The following CENPP variants were observed in gnomAD, a reference collection of about 807,000 sequenced individuals.
CENPP encodes the protein centromere protein P.
CENPP carries 24 observed loss-of-function variants against 35.6 expected under a neutral mutation model. The ratio of observed to expected loss-of-function variants is 0.67; its 90% CI spans 0.49 to 0.95. CENPP has a LOEUF of 0.95. Ranked by LOEUF, CENPP falls within the 40% of genes least tolerant of loss-of-function variation. CENPP has a pLI of 0.00. For synonymous variants in CENPP, 120 were observed against 125.5 expected, an observed-to-expected ratio of 0.96 and a Z score of 0.29; for missense variants, 332 against 345.3, an observed-to-expected ratio of 0.96 and a Z score of 0.31.
At chr9:92,550,993 G>A (rs527362452) in intron 5 of CENPP, among the ~76,000 whole-genome samples, 1 of 152,170 alleles carries the variant, frequency 6.6e-6, no homozygotes, top group Admixed American at 6.5e-5. Flanking sequence ...AGTGTGGTCT[G>A]TCTTCAGGGT....
chr9:92,573,266 A>G (rs936394055), intron 5 of CENPP, among the ~76,000 whole-genome samples: 11 of 152,216 alleles, frequency 7.2e-5, no homozygotes, highest in African/African-American at 2.7e-4. Flanking sequence ...GGTGACGTAC[A>G]GATGGGGTTT....
intron 5 of CENPP, chr9:92,460,369 C>A: frequency 1.5e-6 from 1 of 686,154 alleles, no homozygotes; most frequent in Non-Finnish European, 2.5e-6. Context: ...TTCACACTCT[C>A]CAGTTCCAAC....
intron 5 of CENPP, among the ~76,000 whole-genome samples, chr9:92,462,579 A>G (rs1845155552): frequency 6.6e-6 from 1 of 152,232 alleles, no homozygotes; most frequent in South Asian, 2.1e-4. Context: ...TATATTAGCA[A>G]TAAAGACGGA....
At chr9:92,494,910 A>G (rs1279081442) in intron 5 of CENPP, among the ~76,000 whole-genome samples, 1 of 152,034 alleles carries the variant, frequency 6.6e-6, no homozygotes. Context: ...CGTCTAAAAA[A>G]ATAATAATAA....
At chr9:92,453,810 T>G (rs977166817) in intron 5 of CENPP, among the ~76,000 whole-genome samples, 20 of 152,064 alleles carry the variant, frequency 1.3e-4, no homozygotes, top group African/African-American at 3.6e-4. Flanking sequence ...AAACGAAAAT[T>G]GAAATTTTTT....
chr9:92,334,268 G>A lies in CENPP; in HGVS notation c.289+1917G>A, dbSNP rs530327658. 3.3e-5 allele frequency among the ~76,000 whole-genome samples: 5 copies of A among 152,014 alleles called. No homozygotes were observed. The East Asian group carries it at 9.7e-4, about 30-fold the overall frequency. On this transcript the variant is annotated intron_variant, in intron 2 of 7. Coordinates refer to ENST00000375587, the MANE Select transcript of CENPP (RefSeq NM_001012267.3). ...CCCGCGTAGCTGGGACTACAGGCAC[G>A]CAGTGCCATGCCCAGCTAATTTTTG...
intron 5 of CENPP, chr9:92,414,991 A>G (rs1843546591): frequency 4.0e-6 from 2 of 499,898 alleles, no homozygotes; most frequent in South Asian, 4.5e-5. Flanking sequence ...TTCTAATCCT[A>G]TGAAATGATG....
intron 5 of CENPP, among the ~76,000 whole-genome samples, chr9:92,468,342 C>T (rs1262525492): frequency 6.6e-6 from 1 of 152,228 alleles, no homozygotes; most frequent in African/African-American, 2.4e-5. Flanking sequence ...AGTTAAACTG[C>T]ACTCTCAGTG....
Position 92,565,366 on chromosome 9 carries a change from C to T in CENPP, c.565-45948C>T, listed in dbSNP as rs115304811. Among the ~76,000 whole-genome samples the T allele has an allele frequency of 7.2e-3, 1,059 of 146,990 alleles. 11 individuals carry two copies. Among genetic ancestry groups the T allele is most frequent in the African/African-American group, 0.022 (889 of 39,812 alleles). The stretch of plus-strand genomic sequence containing the variant: ...CGTTTACGAATTTTGTGTTGGGCCT[C>T]ATTCAAAGTCATCCTGGGCTGCATG... On this transcript the variant is annotated intron_variant, in intron 5 of 7. Coordinates refer to ENST00000375587, the MANE Select transcript of CENPP (RefSeq NM_001012267.3).
At position 92,337,899 on chromosome 9, in the gene CENPP, A is replaced by G. The variant is rs540078227; in HGVS notation, c.378+270A>G. Among the ~76,000 whole-genome samples the G allele has an allele frequency of 4.6e-5, 7 of 152,376 alleles. No homozygotes were observed. The East Asian group carries it at 1.2e-3, about 25-fold the overall frequency. ...GCTCCTGGGCTTCCAGTGCAATTCC[A>G]TGAGGTTGTGGGAATAGTCCTGGGT... is the stretch of plus-strand genomic sequence containing the variant. On this transcript the variant is annotated intron_variant, in intron 3 of 7. Coordinates refer to ENST00000375587, the MANE Select transcript of CENPP (RefSeq NM_001012267.3).
chr9:92,503,346 G>A (rs1846801812), intron 5 of CENPP, among the ~76,000 whole-genome samples: 1 of 152,194 alleles, frequency 6.6e-6, no homozygotes, highest in African/African-American at 2.4e-5. Flanking sequence ...AGACAGGGAA[G>A]CCCACCCGTG....
chr9:92,345,819 G>C, intron 4 of CENPP, 32 bp downstream of exon 4: 18 of 1,318,816 alleles, frequency 1.4e-5, no homozygotes, highest in Non-Finnish European at 1.9e-5. Flanking sequence ...CTTTTTTAGA[G>C]AAAAAAAGTA....
intron 5 of CENPP, among the ~76,000 whole-genome samples, chr9:92,398,596 G>T (rs1213869364): frequency 1.3e-5 from 2 of 151,374 alleles, no homozygotes; most frequent in Non-Finnish European, 2.9e-5. Flanking sequence ...TTAGTTCTTA[G>T]AGATCTTCCT....
intron 5 of CENPP, among the ~76,000 whole-genome samples, chr9:92,551,188 C>T (rs974385488): frequency 2.0e-5 from 3 of 151,960 alleles, no homozygotes; most frequent in Admixed American, 1.3e-4. Context: ...TTAAGTGTGA[C>T]GCTGGGATTG....
At chr9:92,472,353 T>C (rs570779608) in intron 5 of CENPP, among the ~76,000 whole-genome samples, 6 of 148,200 alleles carry the variant, frequency 4.0e-5, no homozygotes, top group African/African-American at 1.5e-4. Context: ...TGAGACTCTG[T>C]CTCAAAAATA....
chr9:92,511,426 GT>G (rs35306473), intron 5 of CENPP, among the ~76,000 whole-genome samples: 5,809 of 144,596 alleles, frequency 0.04, 159 homozygotes, highest in South Asian at 0.1. Context: ...TGCCTGGCCT[GT>G]TTTTTTTTTT....
intron 5 of CENPP, chr9:92,501,094 A>G (rs1298539124): frequency 1.3e-6 from 2 of 1,579,812 alleles, no homozygotes; most frequent in Non-Finnish European, 1.7e-6. Flanking sequence ...GGACATCAGG[A>G]TGGTGATCAT....
intron 5 of CENPP, among the ~76,000 whole-genome samples, chr9:92,418,507 A>G (rs1165650392): frequency 1.3e-5 from 2 of 152,086 alleles, no homozygotes; most frequent in African/African-American, 2.4e-5. Flanking sequence ...TTACTAGGGT[A>G]TAGATCTATG....
chr9:92,393,017 A>G (rs1842750470), intron 5 of CENPP: 1 of 1,300,944 alleles, frequency 7.7e-7, no homozygotes, highest in Non-Finnish European at 1.1e-6. Context: ...AACTATATAG[A>G]AACTTGTGTT....
Sources: gnomAD v4.1 joint callset for allele counts (sites outside exome capture counted in the v4.1 genomes callset) on GRCh38, gnomAD v4.1.1 for gene constraint, MANE v1.5 for transcripts, NCBI Gene and HGNC (gene_info 2026-07-23, HGNC 2026-07-21) for gene names.